The following CNTLN variants were observed in gnomAD, a reference collection of about 807,000 sequenced individuals.
CNTLN encodes the protein centlein, also known as centlein, centrosomal protein.
A neutral mutation model predicts 180.0 loss-of-function variants in CNTLN; 212 were observed. The observed-to-expected ratio is 1.18, with a 90% confidence interval of 1.05 to 1.32. The LOEUF is 1.32. CNTLN is among the 40% of genes most tolerant of loss of function. The pLI, the probability that CNTLN is intolerant of heterozygous loss-of-function variation, is 0.00. For missense variants in CNTLN, 2,095 were observed against 1,610.9 expected, an observed-to-expected ratio of 1.30 and a Z score of -5.14; for synonymous variants, 722 against 563.1, an observed-to-expected ratio of 1.28 and a Z score of -3.99.
At chr9:17,183,831 C>T (rs1030333869) in intron 2 of CNTLN, among the ~76,000 whole-genome samples, 24 of 152,022 alleles carry the variant, frequency 1.6e-4, no homozygotes, top group Admixed American at 2.0e-4. Context: ...ATCCCAAAGG[C>T]ATTTCTAATT....
At chr9:17,270,808 T>C (rs1005555088) in intron 5 of CNTLN, among the ~76,000 whole-genome samples, 1 of 152,100 alleles carries the variant, frequency 6.6e-6, no homozygotes, top group Non-Finnish European at 1.5e-5. Flanking sequence ...TTTCTATTTT[T>C]TCTTTTTTTG....
chr9:17,202,996 G>A (rs1348608561), intron 2 of CNTLN, among the ~76,000 whole-genome samples: 4 of 151,824 alleles, frequency 2.6e-5, no homozygotes, highest in East Asian at 1.9e-4. Context: ...TCCATATTTC[G>A]TGCTTCCTTC....
chr9:17,324,859 A>G (rs1479849276), intron 8 of CNTLN, among the ~76,000 whole-genome samples: 1 of 152,108 alleles, frequency 6.6e-6, no homozygotes, highest in Non-Finnish European at 1.5e-5. Context: ...ATTTTGCTAT[A>G]ATGTGATAGT....
At chr9:17,291,241 A>C (rs1014124837) in intron 6 of CNTLN, among the ~76,000 whole-genome samples, 1 of 152,152 alleles carries the variant, frequency 6.6e-6, no homozygotes, top group East Asian at 1.9e-4. Context: ...TTTTAGAGTA[A>C]GTGCTATGTG....
chr9:17,213,171 G>A (rs911307153), intron 2 of CNTLN, among the ~76,000 whole-genome samples: 1 of 151,926 alleles, frequency 6.6e-6, no homozygotes, highest in Non-Finnish European at 1.5e-5. Context: ...TAGATCTCTT[G>A]TGCTTTCTCC....
intron 13 of CNTLN, among the ~76,000 whole-genome samples, chr9:17,369,574 G>A (rs1824131073): frequency 6.6e-6 from 1 of 151,412 alleles, no homozygotes; most frequent in Admixed American, 6.6e-5. Context: ...CAAAGTGATT[G>A]AAAAAATAAA....
At chr9:17,439,883 A>G (rs185626212) in intron 18 of CNTLN, among the ~76,000 whole-genome samples, 78 of 152,350 alleles carry the variant, frequency 5.1e-4, no homozygotes, top group South Asian at 8.3e-4. Flanking sequence ...CACCAGATCT[A>G]TCCACAACTT....
chr9:17,376,610 C>T (rs12006214), intron 13 of CNTLN, among the ~76,000 whole-genome samples: 2,650 of 152,082 alleles, frequency 0.017, 75 homozygotes, highest in African/African-American at 0.061. Flanking sequence ...CACCACCTTG[C>T]CCGGCTAATT....
intron 6 of CNTLN, among the ~76,000 whole-genome samples, chr9:17,295,196 C>A (rs913215403): frequency 3.3e-5 from 5 of 152,074 alleles, no homozygotes; most frequent in African/African-American, 1.2e-4. Flanking sequence ...GCCCCAGTTC[C>A]CGCCCACGCC....
intron 2 of CNTLN, among the ~76,000 whole-genome samples, chr9:17,209,156 A>G (rs916013020): frequency 2.0e-5 from 3 of 152,020 alleles, no homozygotes; most frequent in Non-Finnish European, 4.4e-5. Context: ...AAAATTTTCA[A>G]TTTCCTTCTT....
At chr9:17,527,499 A>G in the CNTLN span, among the ~76,000 whole-genome samples, 1 of 152,198 alleles carries the variant, frequency 6.6e-6, no homozygotes, top group Admixed American at 6.5e-5. Context: ...CGATGCATGT[A>G]TACTGGGACG....
intron 5 of CNTLN, among the ~76,000 whole-genome samples, chr9:17,243,739 C>T (rs962380517): frequency 6.6e-6 from 1 of 152,150 alleles, no homozygotes; most frequent in Non-Finnish European, 1.5e-5. Context: ...TATGGCCTAT[C>T]CTTGAGAACG....
chr9:17,287,340 C>A (rs1472127466), intron 6 of CNTLN, among the ~76,000 whole-genome samples: 1 of 147,876 alleles, frequency 6.8e-6, no homozygotes, highest in Admixed American at 6.8e-5. Flanking sequence ...ACCAGCCTTG[C>A]ATCCCAGGGA....
intron 6 of CNTLN, among the ~76,000 whole-genome samples, chr9:17,281,479 A>C (rs1828658975): frequency 6.6e-6 from 1 of 151,760 alleles, no homozygotes. Context: ...CCCAGTGTGT[A>C]TTGTTCCCCT....
chr9:17,235,628 C>T (rs759595975), intron 3 of CNTLN, 30 bp from the exon 4 acceptor site: 2 of 1,437,458 alleles, frequency 1.4e-6, no homozygotes, highest in African/African-American at 4.8e-5. Context: ...GAAATAAAAG[C>T]TCACCAGTAA....
intron 2 of CNTLN, among the ~76,000 whole-genome samples, chr9:17,221,088 C>T (rs1824103692): frequency 6.6e-6 from 1 of 152,032 alleles, no homozygotes; most frequent in South Asian, 2.1e-4. Context: ...CTGGGTAAAT[C>T]CTATAATGCC....
Position 17,408,800 on chromosome 9 carries a change from T to TAA in CNTLN, c.2616-480_2616-479dup, listed in dbSNP as rs71331488. 4.8e-3 allele frequency among the ~76,000 whole-genome samples: 691 copies of TAA among 143,482 alleles called. 6 individuals carry two copies. Among genetic ancestry groups the TAA allele is most frequent in the African/African-American group, 0.012 (466 of 38,796 alleles). The allele number at this position is 143,482 out of a possible 152,430, so 94.1% of individuals were successfully genotyped here. On this transcript the variant is annotated intron_variant, in intron 15 of 25. Transcript: ENST00000380647. The stretch of plus-strand genomic sequence containing the variant: ...TGGGTGACAGAGCGAGACTCTGTCT[T>TAA]AAAAAAAAAAAAAAGTGCCTGGGCC...
chr9:17,255,722 T>G (rs1483550834), intron 5 of CNTLN, among the ~76,000 whole-genome samples: 1 of 151,594 alleles, frequency 6.6e-6, no homozygotes, highest in Non-Finnish European at 1.5e-5. Flanking sequence ...ATTGGTAGAG[T>G]TTGAGGAGGA....
intron 2 of CNTLN, among the ~76,000 whole-genome samples, chr9:17,181,024 A>G (rs745403198): frequency 6.6e-6 from 1 of 152,148 alleles, no homozygotes; most frequent in Non-Finnish European, 1.5e-5. Context: ...ATGACTTGGT[A>G]TAGATTTATT....
Sources: gnomAD v4.1 joint callset for allele counts (sites outside exome capture counted in the v4.1 genomes callset) on GRCh38, gnomAD v4.1.1 for gene constraint, MANE v1.5 for transcripts, NCBI Gene and HGNC (gene_info 2026-07-23, HGNC 2026-07-21) for gene names.